Variants in PHGDH observed in about 807,000 individuals in gnomAD.
PHGDH encodes phosphoglycerate dehydrogenase.
PHGDH carries 50 observed loss-of-function variants against 52.6 expected under a neutral mutation model. That is an observed-to-expected ratio of 0.95 (90% CI 0.76 to 1.20). PHGDH has a LOEUF of 1.20. Among genes scored for constraint, PHGDH ranks in the 50% most tolerant of loss-of-function variants. PHGDH has a pLI of 0.00. For missense variants in PHGDH, 630 were observed against 684.6 expected, an observed-to-expected ratio of 0.92 and a Z score of 0.89; for synonymous variants, 271 against 280.5, an observed-to-expected ratio of 0.97 and a Z score of 0.34.
intron 5 of PHGDH, among the ~76,000 whole-genome samples, chr1:119,732,556 G>A (rs900029585): frequency 1.2e-4 from 19 of 152,258 alleles, no homozygotes; most frequent in Admixed American, 3.3e-4. Context: ...TCCTAGTGTC[G>A]GAACCCCAAC....
chr1:119,721,480 C>A, intron 2 of PHGDH, 159 bp downstream of exon 2: 2 of 672,844 alleles, frequency 3.0e-6, no homozygotes, highest in Non-Finnish European at 5.0e-6. Flanking sequence ...ACACACACAG[C>A]ATAGTGGTTT....
At chr1:119,742,571 C>T (rs1652259317) in intron 10 of PHGDH, 2 of 603,598 alleles carry the variant, frequency 3.3e-6, no homozygotes, top group Middle Eastern at 4.4e-4. Flanking sequence ...AAGCCTTCGC[C>T]TGTGCCTGGC....
chr1:119,734,891 G>A (rs1306940280), intron 6 of PHGDH, 125 bp downstream of exon 6: 2 of 1,064,818 alleles, frequency 1.9e-6, no homozygotes, highest in Non-Finnish European at 2.9e-6. Flanking sequence ...CCTGGGTCCT[G>A]CAGAGGCTGG....
chr1:119,732,738 C>G (rs144543598), intron 5 of PHGDH, among the ~76,000 whole-genome samples: 9 of 152,314 alleles, frequency 5.9e-5, no homozygotes, highest in African/African-American at 2.2e-4. Flanking sequence ...AGATGCTCAC[C>G]TGCTCCTCTC....
intron 1 of PHGDH, among the ~76,000 whole-genome samples, chr1:119,713,865 TAGGG>T (rs1650808299): frequency 1.3e-5 from 2 of 151,876 alleles, no homozygotes; most frequent in Admixed American, 1.3e-4. Context: ...GGGGTGGGGA[TAGGG>T]AGGGATGAGG....
intron 6 of PHGDH, 45 bp downstream of exon 6, chr1:119,734,811 C>T: frequency 6.2e-7 from 1 of 1,608,206 alleles, no homozygotes; most frequent in Non-Finnish European, 8.5e-7. Flanking sequence ...AAGCCACAGA[C>T]CAGTTAACAA....
At chr1:119,725,920 C>G (rs1297082796) in intron 3 of PHGDH, among the ~76,000 whole-genome samples, 1 of 152,148 alleles carries the variant, frequency 6.6e-6, no homozygotes, top group Non-Finnish European at 1.5e-5. Flanking sequence ...TCCCTCCGTG[C>G]AGCTGTGAAT....
intron 11 of PHGDH, among the ~76,000 whole-genome samples, chr1:119,743,564 T>C (rs1180143866): frequency 2.0e-5 from 3 of 152,238 alleles, no homozygotes; most frequent in African/African-American, 7.2e-5. Context: ...CTTCAAACCC[T>C]GAAGGGCCTA....
At position 119,735,368 on chromosome 1, in the gene PHGDH, C is replaced by T. The variant is rs1324025863; in HGVS notation, c.717C>T (p.Ile239=). Residue 239 remains isoleucine (I), a synonymous_variant, in exon 7 of 12, where the codon ATC becomes ATT. Coordinates refer to ENST00000641023, the MANE Select transcript of PHGDH (RefSeq NM_006623.4). ...VRVVNCARGG[I]VDEGALLRAL... ...TGGTGAACTGTGCCCGTGGAGGGAT[C>T]GTGGACGAAGGCGCCCTGCTCCGGG... 2.5e-6 allele frequency: 4 copies of T among 1,614,158 alleles called. No homozygotes were observed. Among genetic ancestry groups the T allele is most frequent in the Middle Eastern group, 1.6e-4 (1 of 6,062 alleles).
At chr1:119,731,487 C>T (rs1301698768) in intron 5 of PHGDH, among the ~76,000 whole-genome samples, 3 of 152,158 alleles carry the variant, frequency 2.0e-5, no homozygotes, top group Non-Finnish European at 4.4e-5. Context: ...TTGTAGCCAG[C>T]GTTGTGATGA....
chr1:119,712,570 G>A (rs992583470), intron 1 of PHGDH: 17 of 266,260 alleles, frequency 6.4e-5, no homozygotes, highest in Admixed American at 3.5e-4. Flanking sequence ...GCGATCGGGA[G>A]AGGGGCCCCA....
chr1:119,728,374 C>G (rs1453949040), intron 5 of PHGDH, among the ~76,000 whole-genome samples: 1 of 152,196 alleles, frequency 6.6e-6, no homozygotes, highest in South Asian at 2.1e-4. Flanking sequence ...TAGAGCCTTA[C>G]ATCCATTGTC....
At chr1:119,740,985 G>A (rs1652178294) in intron 9 of PHGDH, among the ~76,000 whole-genome samples, 1 of 152,184 alleles carries the variant, frequency 6.6e-6, no homozygotes, top group Non-Finnish European at 1.5e-5. Flanking sequence ...GACACTTTGT[G>A]CTCTGTAACT....
Position 119,741,885 on chromosome 1 carries a change from G to T in PHGDH, c.1197G>T (p.Glu399Asp), listed in dbSNP as rs758882501. Residue 399 changes from glutamate (E) to aspartate (D), a missense_variant, in exon 10 of 12, where the codon GAG becomes GAT. Physicochemically the swap from Glu to Asp is conservative, Grantham distance 45. Transcript: ENST00000641023. ...TGAACGCTAAGCTGCTGGTGAAAGA[G>T]GCTGGCCTCAATGTGCGCCCCTCTC... ...NLVNAKLLVK[E>D]AGLNVTTSHS... The T allele has an allele frequency of 1.9e-6, 3 of 1,613,928 alleles. No homozygotes were observed. The African/African-American group carries it at 4.0e-5, about 22-fold the overall frequency.
At chr1:119,733,781 A>G (rs114425325) in intron 5 of PHGDH, among the ~76,000 whole-genome samples, 304 of 152,292 alleles carry the variant, frequency 2.0e-3, no homozygotes, top group African/African-American at 7.1e-3. Context: ...TTAAAGTACT[A>G]TGCTGTGTAT....
intron 7 of PHGDH, among the ~76,000 whole-genome samples, chr1:119,735,832 G>A (rs1247894702): frequency 6.6e-6 from 1 of 152,206 alleles, no homozygotes; most frequent in African/African-American, 2.4e-5. Flanking sequence ...CCATTGCCAA[G>A]AAAATGTCCT....
intron 9 of PHGDH, among the ~76,000 whole-genome samples, 172 bp downstream of exon 9, chr1:119,740,690 G>C (rs1405619317): frequency 6.6e-6 from 1 of 152,136 alleles, no homozygotes; most frequent in East Asian, 1.9e-4. Flanking sequence ...GGTAAAGGGA[G>C]GGGTTAAAAA....
At chr1:119,740,825 A>G (rs920144286) in intron 9 of PHGDH, among the ~76,000 whole-genome samples, 3 of 152,186 alleles carry the variant, frequency 2.0e-5, no homozygotes, top group African/African-American at 7.2e-5. Flanking sequence ...AGGTCGTAGG[A>G]TGGCTGGAGG....
At chr1:119,736,419 G>C (rs1571012074) in intron 7 of PHGDH, among the ~76,000 whole-genome samples, 2 of 152,218 alleles carry the variant, frequency 1.3e-5, no homozygotes, top group South Asian at 4.1e-4. Context: ...ATGTGGCCAG[G>C]ACTCACAGGG....
Sources: gnomAD v4.1 joint callset for allele counts (sites outside exome capture counted in the v4.1 genomes callset) on GRCh38, gnomAD v4.1.1 for gene constraint, MANE v1.5 for transcripts, NCBI Gene and HGNC (gene_info 2026-07-23, HGNC 2026-07-21) for gene names.